The following APC variants were observed in gnomAD, a reference collection of about 807,000 sequenced individuals.
The protein encoded by APC is APC regulator of Wnt signaling pathway.
Under a neutral mutation model 247.0 loss-of-function variants are expected in APC, and 72 were observed. The ratio of observed to expected loss-of-function variants is 0.29; its 90% CI spans 0.24 to 0.35. The LOEUF is 0.35. APC is among the 10% of genes least tolerant of loss of function. The pLI is 1.00. For missense variants in APC, 3,400 were observed against 3,360.7 expected, an observed-to-expected ratio of 1.01 and a Z score of -0.29; for synonymous variants, 1,254 against 1,162.5, an observed-to-expected ratio of 1.08 and a Z score of -1.60.
rs11379766 is a variant in APC, at chr5:112,769,050, CT to C, written c.422+1680del. 2.9e-3 allele frequency among the ~76,000 whole-genome samples: 276 copies of C among 96,798 alleles called. 1 individual carries two copies. The highest frequency in any genetic ancestry group is 9.6e-3 in the African/African-American group (232 of 24,140). 63.5% of individuals were successfully genotyped at this position (96,798 alleles called of 152,430 possible). A position where few individuals can be genotyped will look rare whatever the true frequency, so the allele number is the denominator to read the frequency against. On this transcript the variant is annotated intron_variant, in intron 4 of 15. Transcript: ENST00000257430. Reference sequence around the variant, plus strand: ...AAAGTAAATTTTTCTTTTTTTTCTTCTTTTTTTTTTTTTTTTTTTTGAGATA... The same window carrying C: ...AAAGTAAATTTTTCTTTTTTTTCTTCTTTTTTTTTTTTTTTTTTTGAGATA...
At chr5:112,707,796 A>T (rs2149630918) in exon 1 of APC, 3 of 1,370,472 alleles carry the variant, frequency 2.2e-6, no homozygotes, top group Non-Finnish European at 2.9e-6. Context: ...GTCCTGGAGC[A>T]CCGGCGGCAG....
At chr5:112,743,004 A>G (rs1430257003) in intron 1 of APC, among the ~76,000 whole-genome samples, 3 of 152,192 alleles carry the variant, frequency 2.0e-5, no homozygotes, top group African/African-American at 4.8e-5. Context: ...GCAGTCCTGG[A>G]GATCAGACAC....
Position 112,838,098 on chromosome 5 carries a change from C to A in APC, c.2504C>A (p.Ser835Tyr), listed in dbSNP as rs773796815. The change falls in exon 16 of 16, where the codon TCT becomes TAT. Residue 835 changes from serine to tyrosine, a missense_variant. Physicochemically the swap from Ser to Tyr is moderately radical, Grantham distance 144. Transcript: ENST00000257430. ...YLNTTVLPSS[S>Y]SSRGSLDSSR... ...AATACTACAGTGTTACCCAGCTCCTCTTCATCAAGAGGAAGCTTAGATAGT... is the reference window on the plus strand; with the variant it reads ...AATACTACAGTGTTACCCAGCTCCTATTCATCAAGAGGAAGCTTAGATAGT... 2.5e-6 allele frequency: 4 copies of A among 1,614,210 alleles called. No individual in the cohort carries two copies. In the East Asian group the frequency reaches 8.9e-5, roughly 36 times the overall value.
At position 112,845,760 on chromosome 5, in the gene APC, A is replaced by T. The variant is rs1266047411; in HGVS notation, c.*1634A>T. 3 of 232,094 alleles carry T rather than the reference A, an allele frequency of 1.3e-5. No homozygotes were observed. Among genetic ancestry groups the T allele is most frequent in the Non-Finnish European group, 2.6e-5 (3 of 117,342 alleles). 14.4% of individuals were successfully genotyped at this position (232,094 alleles called of 1,614,324 possible). A position where few individuals can be genotyped will look rare whatever the true frequency, so the allele number is the denominator to read the frequency against. On this transcript the variant is annotated 3_prime_UTR_variant, in exon 16 of 16. Coordinates refer to ENST00000257430, the MANE Select transcript of APC (RefSeq NM_000038.6). ...TTAACTAAGATAATTTACTTAATAT[A>T]TCTTCCCTGATTTGTTTTAAAAGAT...
chr5:112,763,400 A>G (rs1228693483), intron 2 of APC, among the ~76,000 whole-genome samples: 1 of 151,762 alleles, frequency 6.6e-6, no homozygotes, highest in Non-Finnish European at 1.5e-5. Context: ...ATCTTACGTC[A>G]GATTATGTAT....
intron 4 of APC, among the ~76,000 whole-genome samples, chr5:112,774,127 A>G (rs1185192634): frequency 6.6e-6 from 1 of 152,192 alleles, no homozygotes; most frequent in African/African-American, 2.4e-5. Flanking sequence ...ACAAAAGATT[A>G]GAAAAGCCTT....
intron 4 of APC, among the ~76,000 whole-genome samples, chr5:112,770,926 G>A (rs979488523): frequency 1.3e-5 from 2 of 151,998 alleles, no homozygotes; most frequent in African/African-American, 4.8e-5. Flanking sequence ...GTCTACTGAA[G>A]CCCCGCTGTA....
chr5:112,821,515 G>T (rs1201723402), intron 10 of APC, among the ~76,000 whole-genome samples: 21 of 149,248 alleles, frequency 1.4e-4, no homozygotes, highest in Non-Finnish European at 1.2e-4. Flanking sequence ...TTTTTTTTTT[G>T]TTGTTTTTTT....
intron 1 of APC, among the ~76,000 whole-genome samples, chr5:112,751,906 T>C (rs1209763662): frequency 6.6e-6 from 1 of 152,072 alleles, no homozygotes; most frequent in Admixed American, 6.5e-5. Context: ...AAATGTTCTT[T>C]TTTATTCAGT....
At chr5:112,744,683 G>A (rs1451712189) in intron 1 of APC, among the ~76,000 whole-genome samples, 3 of 151,888 alleles carry the variant, frequency 2.0e-5, no homozygotes, top group Non-Finnish European at 1.5e-5. Flanking sequence ...AAGGGGAGGA[G>A]GTATAAACAA....
chr5:112,807,745 G>A (rs891282356), intron 8 of APC, among the ~76,000 whole-genome samples: 3 of 151,942 alleles, frequency 2.0e-5, no homozygotes, highest in Admixed American at 6.6e-5. Flanking sequence ...GATTCATATC[G>A]ACATGTAACC....
rs6885768 is a variant in APC, at chr5:112,821,166, G to C, written c.1313-730G>C. 0.15 allele frequency among the ~76,000 whole-genome samples: 22,045 copies of C among 151,430 alleles called. 3,418 individuals are homozygous for C. The highest frequency in any genetic ancestry group is 0.39 in the African/African-American group (16,035 of 41,180). ...TTACTGGTGTGAGCCACTGCACCTA[G>C]CACCATGTGCTTTTAACCCACACTC... On this transcript the variant is annotated intron_variant, in intron 10 of 15. Coordinates refer to ENST00000257430, the MANE Select transcript of APC (RefSeq NM_000038.6).
chr5:112,787,348 G>A (rs1233715487), intron 6 of APC, among the ~76,000 whole-genome samples: 2 of 152,156 alleles, frequency 1.3e-5, no homozygotes, highest in Non-Finnish European at 2.9e-5. Flanking sequence ...CATAATTACT[G>A]GTCATAAGGT....
At chr5:112,800,509 T>G (rs536195579) in intron 7 of APC, among the ~76,000 whole-genome samples, 6 of 152,274 alleles carry the variant, frequency 3.9e-5, no homozygotes, top group African/African-American at 1.4e-4. Context: ...ATTTTGTAAT[T>G]TAATTATCCA....
intron 15 of APC, among the ~76,000 whole-genome samples, chr5:112,836,384 AACT>A (rs1278433577): frequency 1.3e-5 from 2 of 152,128 alleles, no homozygotes; most frequent in Admixed American, 1.3e-4. Flanking sequence ...GTGATGCAGA[AACT>A]ACAAGCCTAG....
intron 1 of APC, among the ~76,000 whole-genome samples, chr5:112,743,243 C>T (rs990576905): frequency 5.3e-5 from 8 of 152,170 alleles, no homozygotes; most frequent in Non-Finnish European, 1.5e-5. Context: ...TTAAAAGAAC[C>T]TTTGTGATTA....
At chr5:112,808,875 A>T (rs890272485) in intron 8 of APC, among the ~76,000 whole-genome samples, 2 of 152,202 alleles carry the variant, frequency 1.3e-5, no homozygotes, top group Admixed American at 1.3e-4. Context: ...GGGATTGGAT[A>T]TGAGTGTTTA....
At chr5:112,812,407 G>T (rs1762078592) in intron 8 of APC, among the ~76,000 whole-genome samples, 1 of 152,148 alleles carries the variant, frequency 6.6e-6, no homozygotes. Flanking sequence ...CAGTCCCTCA[G>T]ATCTATCCTT....
Position 112,709,135 on chromosome 5 carries a change from C to T in APC, c.165+1253C>T, listed in dbSNP as rs528275687. ...TTATTAACATTAAATTGAGCAATAT[C>T]GTTTTCTTGAAGTTATGCTAGATGT... On this transcript the variant is annotated intron_variant, in intron 1 of 13. Coordinates refer to the APC transcript ENST00000507379. Among the ~76,000 whole-genome samples the T allele has an allele frequency of 5.3e-5, 8 of 152,262 alleles. No homozygotes were observed. In the East Asian group the frequency reaches 5.8e-4, roughly 11 times the overall value.
Sources: allele counts gnomAD v4.1 joint callset (sites outside exome capture counted in the v4.1 genomes callset), GRCh38; gene constraint gnomAD v4.1.1; transcripts MANE v1.5; gene names NCBI Gene and HGNC (gene_info 2026-07-23, HGNC 2026-07-21).